TIMP3: variants seen among roughly 807,000 people sequenced by gnomAD.
TIMP3 encodes metalloproteinase inhibitor 3.
In TIMP3, 11 loss-of-function variants were observed where a neutral mutation model predicts 30.0. The ratio of observed to expected loss-of-function variants is 0.37; its 90% CI spans 0.23 to 0.61. TIMP3 has a LOEUF of 0.61. Among genes scored for constraint, TIMP3 ranks in the 20% least tolerant of loss-of-function variants. The pLI is 0.70. For missense variants in TIMP3, 181 were observed against 276.8 expected, an observed-to-expected ratio of 0.65 and a Z score of 2.45; for synonymous variants, 112 against 111.3, an observed-to-expected ratio of 1.01 and a Z score of -0.04.
chr22:32,802,140 C>T lies in TIMP3; in HGVS notation c.121+18C>T. ...CGACATCGGTAAGCGCTCCTGGTGC[C>T]CCGCCCGAGCCCCACGCTGCAGCCA... On this transcript the variant is annotated intron_variant, in intron 1 of 4. Transcript: ENST00000266085. 6.4e-7 allele frequency: 1 copy of T among 1,573,312 alleles called. No individual in the cohort carries two copies. Among genetic ancestry groups the T allele is most frequent in the Non-Finnish European group, 8.6e-7 (1 of 1,166,230 alleles).
chr22:32,806,669 C>T (rs2046748221), intron 1 of TIMP3, among the ~76,000 whole-genome samples: 1 of 152,156 alleles, frequency 6.6e-6, no homozygotes. Flanking sequence ...ACAATTTGTA[C>T]CATCTTGGCC....
In TIMP3 at chr22:32,814,313, G is replaced by GACAGAA. The variant is rs774703088; in HGVS notation, c.121+12192_121+12193insCAGAAA. On this transcript the variant is annotated intron_variant, in intron 1 of 4. Transcript: ENST00000266085. ...GGAAGGAAGGAAGGAGAGAGAGAGA[G>GACAGAA]AGACAGAAAGAAAGAAAGAAAGAAA... Among the ~76,000 whole-genome samples, 12 of 39,678 alleles carry GACAGAA rather than the reference G, an allele frequency of 3.0e-4. No homozygotes were observed. The East Asian group carries it at 4.9e-3, about 16-fold the overall frequency. 26.0% of individuals were successfully genotyped at this position (39,678 alleles called of 152,430 possible). A position where few individuals can be genotyped will look rare whatever the true frequency, so the allele number is the denominator to read the frequency against.
intron 1 of TIMP3, among the ~76,000 whole-genome samples, chr22:32,826,360 C>T (rs1047314483): frequency 1.2e-4 from 18 of 151,992 alleles, no homozygotes; most frequent in Non-Finnish European, 2.6e-4. Flanking sequence ...ACCCGGGAGG[C>T]GGAGGTTGCA....
At chr22:32,805,301 GC>G (rs1187753207) in intron 1 of TIMP3, among the ~76,000 whole-genome samples, 1 of 152,174 alleles carries the variant, frequency 6.6e-6, no homozygotes, top group Non-Finnish European at 1.5e-5. Flanking sequence ...TCTGACAGGG[GC>G]CAGTGCCAGC....
intron 1 of TIMP3, among the ~76,000 whole-genome samples, chr22:32,843,064 G>A (rs2047958617): frequency 6.6e-6 from 1 of 152,052 alleles, no homozygotes; most frequent in African/African-American, 2.4e-5. Context: ...GTGGTCTGCT[G>A]TCCTGGGGGA....
rs201333190 is a variant in TIMP3 at position 32,814,184 on chromosome 22, A to G, written c.121+12062A>G. Among the ~76,000 whole-genome samples, 74 of 10,594 alleles carry G rather than the reference A, an allele frequency of 7.0e-3. 1 individual carries two copies. Among genetic ancestry groups the G allele is most frequent in the African/African-American group, 0.028 (72 of 2,532 alleles). The allele number at this position is 10,594 out of a possible 152,430, so 7.0% of individuals were successfully genotyped here. A position where few individuals can be genotyped will look rare whatever the true frequency, so the allele number is the denominator to read the frequency against. On this transcript the variant is annotated intron_variant, in intron 1 of 4. Coordinates refer to ENST00000266085, the MANE Select transcript of TIMP3 (RefSeq NM_000362.5). ...AGAGAGAGAAAGAGAAAGAAAGAAAAGAAAGAAAGAAAGAAAGAAAGAAAA... is the reference window on the plus strand; with the variant it reads ...AGAGAGAGAAAGAGAAAGAAAGAAAGGAAAGAAAGAAAGAAAGAAAGAAAA...
intron 1 of TIMP3, among the ~76,000 whole-genome samples, chr22:32,829,148 C>T (rs191364266): frequency 2.0e-4 from 31 of 152,230 alleles, no homozygotes; most frequent in East Asian, 1.2e-3. Context: ...TAATTCAGCT[C>T]GGCACTTCTT....
rs1356021802 is a variant in TIMP3 at position 32,861,316 on chromosome 22, A to G, written c.*1939A>G. The G allele has an allele frequency of 6.6e-6, 1 of 152,226 alleles. No individual in the cohort carries two copies. The highest frequency in any genetic ancestry group is 1.5e-5 in the Non-Finnish European group (1 of 68,044). 9.4% of individuals were successfully genotyped at this position (152,226 alleles called of 1,614,324 possible). ...CTTGGGATCAATTTCATTACCGTGTACCTTTCCCATTGTGGTCATGCCATT... is the reference window on the plus strand; with the variant it reads ...CTTGGGATCAATTTCATTACCGTGTGCCTTTCCCATTGTGGTCATGCCATT... On this transcript the variant is annotated 3_prime_UTR_variant, in exon 5 of 5. Transcript: ENST00000266085.
intron 1 of TIMP3, among the ~76,000 whole-genome samples, chr22:32,831,329 C>G (rs2047567475): frequency 6.6e-6 from 1 of 152,108 alleles, no homozygotes; most frequent in Non-Finnish European, 1.5e-5. Flanking sequence ...TGAAGGGACC[C>G]AGAGAAGAGG....
intron 1 of TIMP3, among the ~76,000 whole-genome samples, chr22:32,839,270 T>C (rs1269325112): frequency 6.6e-6 from 1 of 152,054 alleles, no homozygotes; most frequent in East Asian, 1.9e-4. Flanking sequence ...TAGGTGAGGA[T>C]GTAAATGAGG....
chr22:32,845,393 TG>T (rs1436170197), intron 1 of TIMP3, among the ~76,000 whole-genome samples: 2 of 152,080 alleles, frequency 1.3e-5, no homozygotes, highest in African/African-American at 2.4e-5. Flanking sequence ...GGTTTCACCA[TG>T]CTGGCCAGGA....
intron 1 of TIMP3, among the ~76,000 whole-genome samples, chr22:32,809,587 C>A (rs187986900): frequency 6.6e-6 from 1 of 152,026 alleles, no homozygotes. Context: ...AACAGTTATC[C>A]GACACAATTT....
intron 1 of TIMP3, 83 bp downstream of exon 1, chr22:32,802,205 TC>T: frequency 6.6e-7 from 1 of 1,507,632 alleles, no homozygotes; most frequent in South Asian, 1.2e-5. Flanking sequence ...CGAGCCCCAC[TC>T]CTTTCCTCTG....
chr22:32,846,030 G>A (rs2048052854), intron 1 of TIMP3, among the ~76,000 whole-genome samples: 3 of 152,192 alleles, frequency 2.0e-5, no homozygotes, highest in Non-Finnish European at 4.4e-5. Context: ...AGGACTTTGA[G>A]AATCTATTTG....
At chr22:32,804,773 C>G (rs998946862) in intron 1 of TIMP3, among the ~76,000 whole-genome samples, 3 of 152,198 alleles carry the variant, frequency 2.0e-5, no homozygotes, top group African/African-American at 7.2e-5. Flanking sequence ...GAAGAATAAA[C>G]TACATGCCGG....
chr22:32,829,683 C>A (rs1340245411), intron 1 of TIMP3, among the ~76,000 whole-genome samples: 3 of 152,252 alleles, frequency 2.0e-5, no homozygotes, highest in African/African-American at 7.2e-5. Flanking sequence ...CAATGCCGGT[C>A]CCCGGGCACT....
chr22:32,850,498 G>A (rs1259402015), intron 2 of TIMP3, among the ~76,000 whole-genome samples: 1 of 152,102 alleles, frequency 6.6e-6, no homozygotes, highest in Non-Finnish European at 1.5e-5. Flanking sequence ...TCAGCAACTG[G>A]TTCATCACCC....
In TIMP3 at chr22:32,801,860, GGAGGGCAGC is replaced by G; in HGVS notation, c.-140_-132del. 9.0e-7 allele frequency: 1 copy of G among 1,106,096 alleles called. No homozygotes were observed. The highest frequency in any genetic ancestry group is 1.1e-6 in the Non-Finnish European group (1 of 875,176). 68.5% of individuals were successfully genotyped at this position (1,106,096 alleles called of 1,614,324 possible). A position where few individuals can be genotyped will look rare whatever the true frequency, so the allele number is the denominator to read the frequency against. On this transcript the variant is annotated 5_prime_UTR_variant, in exon 1 of 5. Transcript: ENST00000266085. This position sits in a 1 kb window ranked among gnomAD's most constrained non-coding sequence, Gnocchi z 4.7. ...CCCCATCCCGTCCCGCCGGGCACTCGGAGGGCAGCGCGCCGGAGGCCAAGGTTGCCCCGC... is the reference window on the plus strand; with the variant it reads ...CCCCATCCCGTCCCGCCGGGCACTCGGCGCCGGAGGCCAAGGTTGCCCCGC...
intron 2 of TIMP3, among the ~76,000 whole-genome samples, chr22:32,852,737 A>ATGTGTGTG (rs113858544): frequency 6.6e-6 from 1 of 151,486 alleles, no homozygotes; most frequent in African/African-American, 2.4e-5. Flanking sequence ...GACCTGCGAT[A>ATGTGTGTG]TGTGTGTGTG....
Sources: allele counts gnomAD v4.1 joint callset (sites outside exome capture counted in the v4.1 genomes callset), GRCh38; gene constraint gnomAD v4.1.1; non-coding constraint Gnocchi (gnomAD v3.1); transcripts MANE v1.5; gene names NCBI Gene and HGNC (gene_info 2026-07-23, HGNC 2026-07-21).